The following POLR3A variants were observed in gnomAD, a reference collection of about 807,000 sequenced individuals.
The protein encoded by POLR3A is DNA-directed RNA polymerase III subunit RPC1.
POLR3A carries 112 observed loss-of-function variants against 152.8 expected under a neutral mutation model. The observed-to-expected ratio is 0.73, with a 90% CI of 0.63 to 0.86. The LOEUF is 0.86. POLR3A is among the 40% of genes least tolerant of loss of function. The pLI is 0.00. For missense variants in POLR3A, 1,385 were observed against 1,743.1 expected, an observed-to-expected ratio of 0.79 and a Z score of 3.66; for synonymous variants, 615 against 652.1, an observed-to-expected ratio of 0.94 and a Z score of 0.87.
At chr10:78,015,887 T>A (rs1238364724) in intron 10 of POLR3A, among the ~76,000 whole-genome samples, 1 of 152,200 alleles carries the variant, frequency 6.6e-6, no homozygotes, top group East Asian at 1.9e-4. Flanking sequence ...AGAGAAGGCT[T>A]TAGTTAACCC....
intron 21 of POLR3A, among the ~76,000 whole-genome samples, chr10:77,988,684 C>T (rs527467536): frequency 7.4e-4 from 113 of 152,310 alleles, no homozygotes; most frequent in Non-Finnish European, 1.2e-3. Context: ...ACAACCTCTT[C>T]TGGCATGGCT....
At chr10:77,994,365 C>T (rs1434236920) in intron 19 of POLR3A, among the ~76,000 whole-genome samples, 2 of 152,068 alleles carry the variant, frequency 1.3e-5, no homozygotes, top group African/African-American at 4.8e-5. Flanking sequence ...TTTATCTACC[C>T]TGGTTTTCCA....
chr10:78,005,517 T>C (rs1255571900), intron 15 of POLR3A, among the ~76,000 whole-genome samples: 1 of 152,206 alleles, frequency 6.6e-6, no homozygotes, highest in African/African-American at 2.4e-5. Context: ...CACAATATAC[T>C]GTATGTAGAA....
In POLR3A at chr10:77,981,663, C is replaced by T. The variant is rs566783345; in HGVS notation, c.3760-104G>A. ...TGCAGTTTCAAAGCAAACCCTGTGC[C>T]GTTTTCCAGAAATGGATTGCTGGGC... On this transcript the variant is annotated intron_variant, in intron 28 of 30. Transcript: ENST00000372371. 5.0e-5 allele frequency: 69 copies of T among 1,392,052 alleles called. 1 individual carries two copies. The South Asian group carries it at 5.8e-4, about 12-fold the overall frequency. 86.2% of individuals were successfully genotyped at this position (1,392,052 alleles called of 1,614,324 possible). A position where few individuals can be genotyped will look rare whatever the true frequency, so the allele number is the denominator to read the frequency against.
rs760127574 is a variant in POLR3A at position 78,002,250 on chromosome 10, C to T, written c.2306G>A (p.Arg769Gln). The T allele has an allele frequency of 4.1e-5, 66 of 1,604,760 alleles. 1 individual carries two copies. The South Asian group carries it at 5.4e-4, about 13-fold the overall frequency. The change falls in exon 17 of 31, where the codon CGG becomes CAG. Residue 769 changes from arginine (R) to glutamine (Q), a missense_variant. This residue lies in a region of POLR3A where 170 missense variants were observed against 231.2 expected (regional missense o/e 0.74). Transcript: ENST00000372371. Reference protein sequence around the residue: ...IRDHAGSACLRELDKSNSPLT... With the variant: ...IRDHAGSACLQELDKSNSPLT... ...GGGGCTGTTGCTCTTGTCCAGCTCC[C>T]GGAGGCAGGCACTGCCAGCGTGGTC... is the stretch of plus-strand genomic sequence containing the variant.
At position 77,982,725 on chromosome 10, in the gene POLR3A, A is replaced by G. The variant is rs1381989911; in HGVS notation, c.3522T>C (p.Cys1174=). The part of the protein sequence containing the change: ...DVAVHGEAVV[C]VTPRENSKSS... ...TCTTGCTGTTCTCTCTGGGGGTGACACACACCACAGCCTCACCATGAACAG... is the reference window on the plus strand; with the variant it reads ...TCTTGCTGTTCTCTCTGGGGGTGACGCACACCACAGCCTCACCATGAACAG... The change falls in exon 27 of 31, where the codon TGT becomes TGC. Residue 1174 remains cysteine, a synonymous_variant. Coordinates refer to ENST00000372371, the MANE Select transcript of POLR3A (RefSeq NM_007055.4). The G allele has an allele frequency of 1.9e-6, 3 of 1,613,650 alleles. No homozygotes were observed. Among genetic ancestry groups the G allele is most frequent in the Non-Finnish European group, 2.5e-6 (3 of 1,179,782 alleles).
chr10:77,993,626 G>A (rs1397096374), intron 19 of POLR3A, among the ~76,000 whole-genome samples: 2 of 152,238 alleles, frequency 1.3e-5, no homozygotes, highest in East Asian at 3.9e-4. Context: ...AATTTAAACC[G>A]CATCACCCAC....
chr10:78,013,430 C>T (rs1847485728), intron 11 of POLR3A: 1 of 573,190 alleles, frequency 1.7e-6, no homozygotes, highest in Admixed American at 3.0e-5. Context: ...TGTTACAGAC[C>T]CTAACTCTCA....
intron 29 of POLR3A, among the ~76,000 whole-genome samples, chr10:77,980,658 G>T (rs922891686): frequency 6.6e-6 from 1 of 152,164 alleles, no homozygotes; most frequent in Non-Finnish European, 1.5e-5. Context: ...GGAATATTGT[G>T]CCATAATTTA....
intron 8 of POLR3A, among the ~76,000 whole-genome samples, chr10:78,020,504 C>A (rs1367890966): frequency 1.3e-5 from 2 of 148,698 alleles, no homozygotes; most frequent in South Asian, 2.2e-4. Flanking sequence ...AAAAAAAAAA[C>A]CAGGCCGGAT....
At chr10:77,981,673 A>G in intron 28 of POLR3A, 114 bp from the exon 29 acceptor site, 1 of 1,313,350 alleles carries the variant, frequency 7.6e-7, no homozygotes, top group Non-Finnish European at 1.1e-6. Flanking sequence ...CGTTTTCCAG[A>G]AATGGATTGC....
At chr10:77,988,303 C>T (rs918327758) in intron 21 of POLR3A, among the ~76,000 whole-genome samples, 2 of 152,104 alleles carry the variant, frequency 1.3e-5, no homozygotes, top group African/African-American at 4.8e-5. Flanking sequence ...AGGTGGATCA[C>T]CTGAGGTCAG....
intron 11 of POLR3A, chr10:78,013,416 C>T (rs1417554499): frequency 9.3e-6 from 5 of 540,072 alleles, no homozygotes; most frequent in African/African-American, 5.7e-5. Context: ...CCCCTCAACG[C>T]ATCTGTTACA....
rs1030000483 is a variant in POLR3A, at chr10:77,986,084, C to T, written c.2977G>A (p.Gly993Ser). The T allele has an allele frequency of 2.5e-6, 4 of 1,596,164 alleles. No homozygotes were observed. Among genetic ancestry groups the T allele is most frequent in the African/African-American group, 1.3e-5 (1 of 74,564 alleles). The change falls in exon 22 of 31, where the codon GGC becomes AGC. Residue 993 changes from glycine (G) to serine (S), a missense_variant. Physicochemically the swap from Gly to Ser is moderately conservative, Grantham distance 56. This residue lies in a region of POLR3A where 178 missense variants were observed against 204.6 expected (regional missense o/e 0.87). Coordinates refer to ENST00000372371, the MANE Select transcript of POLR3A (RefSeq NM_007055.4). ...TRDKYGINDN[G>S]TTEPRVLYQL... is the part of the protein sequence containing the mutation. The stretch of plus-strand genomic sequence containing the variant: ...TGGAGGGATATTACCTCTGTTGTGC[C>T]GTTATCATTGATGCCATATTTATCT...
At chr10:78,003,068 CATGTGATG>C in intron 16 of POLR3A, among the ~76,000 whole-genome samples, 1 of 152,334 alleles carries the variant, frequency 6.6e-6, no homozygotes, top group East Asian at 1.9e-4. Context: ...GCAAGCTAGG[CATGTGATG>C]AGGTGACTTC....
In POLR3A at chr10:78,004,373, G is replaced by A. The variant is rs369047833; in HGVS notation, c.2247+343C>T. Among the ~76,000 whole-genome samples the A allele has an allele frequency of 1.4e-4, 21 of 152,318 alleles. No homozygotes were observed. The South Asian group carries it at 1.9e-3, about 14-fold the overall frequency. On this transcript the variant is annotated intron_variant, in intron 16 of 30. Coordinates refer to ENST00000372371, the MANE Select transcript of POLR3A (RefSeq NM_007055.4). ...GAGCACTCGAGTACCAGTTACAGAA[G>A]GGACCTGAGTGTGCCACCAGAACAA...
intron 19 of POLR3A, among the ~76,000 whole-genome samples, chr10:77,995,211 C>A (rs948004215): frequency 6.6e-6 from 1 of 152,144 alleles, no homozygotes; most frequent in Non-Finnish European, 1.5e-5. Context: ...AAAAACATGC[C>A]AAATTGTAAA....
intron 17 of POLR3A, among the ~76,000 whole-genome samples, chr10:78,001,578 T>C (rs527638687): frequency 6.6e-6 from 1 of 152,080 alleles, no homozygotes; most frequent in African/African-American, 2.4e-5. Flanking sequence ...TGTACAGAAA[T>C]AGAAGCACAG....
At chr10:77,984,339 G>C (rs763865502) in intron 24 of POLR3A, 41 bp from the exon 25 acceptor site, 20 of 1,206,956 alleles carry the variant, frequency 1.7e-5, no homozygotes, top group Non-Finnish European at 2.3e-5. Context: ...GCACAAGGGA[G>C]GAGGCTGTTT....
Sources: allele counts gnomAD v4.1 joint callset (sites outside exome capture counted in the v4.1 genomes callset), GRCh38; gene constraint gnomAD v4.1.1; regional missense constraint gnomAD v4.1.1; transcripts MANE v1.5; gene names NCBI Gene and HGNC (gene_info 2026-07-23, HGNC 2026-07-21).